ITPR2: variants seen among roughly 807,000 people sequenced by gnomAD.
The protein encoded by ITPR2 is inositol 1,4,5-trisphosphate receptor type 2.
A neutral mutation model predicts 317.1 loss-of-function variants in ITPR2; 207 were observed. That is an observed-to-expected ratio of 0.65 (90% confidence interval 0.58 to 0.73). ITPR2 has a LOEUF of 0.73. Among genes scored for constraint, ITPR2 ranks in the 30% least tolerant of loss-of-function variants. The pLI is 0.00. For missense variants in ITPR2, 2,613 were observed against 3,284.0 expected, an observed-to-expected ratio of 0.80 and a Z score of 4.99; for synonymous variants, 1,156 against 1,149.1, an observed-to-expected ratio of 1.01 and a Z score of -0.12.
In ITPR2 at chr12:26,336,863, A is replaced by C. The variant is rs1937930484; in HGVS notation, c.*2534T>G. The C allele has an allele frequency of 6.6e-6, 1 of 152,140 alleles. No homozygotes were observed. Among genetic ancestry groups the C allele is most frequent in the African/African-American group, 2.4e-5 (1 of 41,434 alleles). The allele number at this position is 152,140 out of a possible 1,614,324, so 9.4% of individuals were successfully genotyped here. On this transcript the variant is annotated 3_prime_UTR_variant, in exon 57 of 57. Coordinates refer to ENST00000381340, the MANE Select transcript of ITPR2 (RefSeq NM_002223.4). ...TCCAGTTGCATTAACAAACATACAC[A>C]TAACAAATATAAATTTATATCAAAT...
At chr12:26,456,596 T>A (rs1015222706) in intron 45 of ITPR2, among the ~76,000 whole-genome samples, 1 of 152,238 alleles carries the variant, frequency 6.6e-6, no homozygotes, top group Non-Finnish European at 1.5e-5. Context: ...CTTTACTCTA[T>A]GGACTTGCCC....
At chr12:26,718,541 T>G (rs1346394122) in intron 5 of ITPR2, among the ~76,000 whole-genome samples, 2 of 149,036 alleles carry the variant, frequency 1.3e-5, no homozygotes, top group African/African-American at 4.9e-5. Context: ...ATATATAGAC[T>G]TAAATATATA....
At chr12:26,522,842 G>C (rs565561694) in intron 37 of ITPR2, among the ~76,000 whole-genome samples, 4 of 146,274 alleles carry the variant, frequency 2.7e-5, no homozygotes, top group Admixed American at 6.7e-5. Flanking sequence ...CTTCCACGGC[G>C]GGGGGGGAAC....
At chr12:26,801,888 T>C (rs1265211712) in intron 1 of ITPR2, among the ~76,000 whole-genome samples, 1 of 140,326 alleles carries the variant, frequency 7.1e-6, no homozygotes, top group South Asian at 2.3e-4. Flanking sequence ...TACTTCATGT[T>C]AAAAAAAAAA....
In ITPR2 at chr12:26,518,536, G is replaced by A. The variant is rs370374950; in HGVS notation, c.5074-23276C>T. Among the ~76,000 whole-genome samples the A allele has an allele frequency of 2.0e-5, 3 of 152,154 alleles. No individual in the cohort carries two copies. In the South Asian group the frequency reaches 6.2e-4, roughly 32 times the overall value. ...CTAAAATAAATGTTGTCGGGGAAGG[G>A]GGGGCGGGAATAAATACAAATAAAA... On this transcript the variant is annotated intron_variant, in intron 37 of 56. Transcript: ENST00000381340.
chr12:26,345,294 C>T (rs1327781221), intron 55 of ITPR2, among the ~76,000 whole-genome samples: 1 of 151,974 alleles, frequency 6.6e-6, no homozygotes, highest in African/African-American at 2.4e-5. Flanking sequence ...ACAGTAGTCC[C>T]CCTTATTTGA....
intron 37 of ITPR2, among the ~76,000 whole-genome samples, chr12:26,544,910 A>G (rs1032653695): frequency 1.3e-5 from 2 of 151,794 alleles, no homozygotes; most frequent in Admixed American, 1.3e-4. Context: ...CACATTTGCA[A>G]TGTGGAGGTA....
intron 37 of ITPR2, among the ~76,000 whole-genome samples, chr12:26,523,846 C>T (rs1943733334): frequency 6.6e-6 from 1 of 152,214 alleles, no homozygotes. Context: ...CAACACGTGA[C>T]GTGTCTCCAG....
Position 26,597,019 on chromosome 12 carries a change from G to A in ITPR2, c.4118C>T (p.Ala1373Val), listed in dbSNP as rs1382959405. The A allele has an allele frequency of 2.7e-5, 43 of 1,613,910 alleles. No homozygotes were observed. The highest frequency in any genetic ancestry group is 3.5e-5 in the Non-Finnish European group (41 of 1,179,992). ...RDRGDESGPL[A>V]YHITLVELLA... ...CAACTCCACCAGGGTGATGTGGTAGGCTAAGGGGCCACTCTCATCCCCTCG... is the reference window on the plus strand; with the variant it reads ...CAACTCCACCAGGGTGATGTGGTAGACTAAGGGGCCACTCTCATCCCCTCG... Residue 1373 changes from alanine (A) to valine (V), a missense_variant, in exon 31 of 57, where the codon GCC becomes GTC. Around this residue, in one of 9 missense-constraint regions of ITPR2, gnomAD observed 817 missense variants for 897.6 expected, o/e 0.91. Transcript: ENST00000381340.
At chr12:26,556,519 T>A in intron 35 of ITPR2, 144 bp from the exon 36 acceptor site, 1 of 785,560 alleles carries the variant, frequency 1.3e-6, no homozygotes, top group Non-Finnish European at 1.9e-6. Context: ...GCCATAATTA[T>A]AGTCTGGTTT....
At chr12:26,342,518 G>A (rs1337646121) in intron 55 of ITPR2, among the ~76,000 whole-genome samples, 2 of 75,322 alleles carry the variant, frequency 2.7e-5, no homozygotes, top group African/African-American at 5.0e-5. Flanking sequence ...GGGGGGCGGG[G>A]GTCAGATCCC....
At chr12:26,824,645 T>C (rs928460765) in intron 1 of ITPR2, among the ~76,000 whole-genome samples, 1 of 152,288 alleles carries the variant, frequency 6.6e-6, no homozygotes, top group South Asian at 2.1e-4. Context: ...TTTAGTTAAC[T>C]TTCCTGGCTA....
In ITPR2 at chr12:26,656,535, G is replaced by A; in HGVS notation, c.2206C>T (p.Leu736Phe). The A allele has an allele frequency of 3.1e-6, 5 of 1,614,136 alleles. No homozygotes were observed. Among genetic ancestry groups the A allele is most frequent in the Non-Finnish European group, 3.4e-6 (4 of 1,180,012 alleles). The change falls in exon 19 of 57, where the codon CTC (leucine) becomes TTC (phenylalanine). Residue 736 changes from leucine (L) to phenylalanine (F), a missense_variant. Leu to Phe is a conservative substitution (Grantham distance 22, BLOSUM62 0). Transcript: ENST00000381340. Reference sequence around the variant, plus strand: ...CGATCCAAGCACATCCTTGCAAAGAGGTTTAGCTGGTACCTTAAAAATGGT... The same window carrying A: ...CGATCCAAGCACATCCTTGCAAAGAAGTTTAGCTGGTACCTTAAAAATGGT... ...VLTYYRYQLN[L>F]FARMCLDRQY...
intron 1 of ITPR2, among the ~76,000 whole-genome samples, chr12:26,819,432 T>C (rs1950905813): frequency 6.6e-6 from 1 of 152,240 alleles, no homozygotes. Flanking sequence ...TAAATGCTTA[T>C]CATTTTCCAA....
chr12:26,462,508 C>G (rs1450047549), intron 45 of ITPR2, among the ~76,000 whole-genome samples: 1 of 152,000 alleles, frequency 6.6e-6, no homozygotes, highest in Non-Finnish European at 1.5e-5. Context: ...GCCACTGTGC[C>G]TGGCGGGAAA....
At chr12:26,775,040 T>A (rs139878002) in intron 2 of ITPR2, among the ~76,000 whole-genome samples, 20 of 152,278 alleles carry the variant, frequency 1.3e-4, no homozygotes, top group African/African-American at 4.8e-4. Flanking sequence ...TCCTGCCTTT[T>A]CTTCCTTTCA....
At chr12:26,758,763 C>T (rs999979205) in intron 2 of ITPR2, among the ~76,000 whole-genome samples, 10 of 152,136 alleles carry the variant, frequency 6.6e-5, no homozygotes, top group Non-Finnish European at 1.3e-4. Flanking sequence ...CTACATAGAA[C>T]GAGGTATATG....
At chr12:26,666,162 A>ATAGATAGATAGATT (rs34107444) in intron 13 of ITPR2, 111 bp from the exon 14 acceptor site, 49 of 400,340 alleles carry the variant, frequency 1.2e-4, no homozygotes, top group South Asian at 1.9e-4. Context: ...AGATAGATAG[A>ATAGATAGATAGATT]TTTTTTTTTA....
At position 26,439,249 on chromosome 12, in the gene ITPR2, C is replaced by T. The variant is rs369435750; in HGVS notation, c.6521G>A (p.Arg2174Gln). ...ATTGAACACACGGCACTTGGATTCT[C>T]GAGTGAGGTATTCACATATATTGGG... ...PVPNICEYLTRESKCRVFNTT... is the reference protein window; with the variant it reads ...PVPNICEYLTQESKCRVFNTT... Residue 2174 changes from arginine (R) to glutamine (Q), a missense_variant, in exon 47 of 57, where the codon CGA becomes CAA. Coordinates refer to ENST00000381340, the MANE Select transcript of ITPR2 (RefSeq NM_002223.4). The T allele has an allele frequency of 4.2e-5, 68 of 1,612,948 alleles. No individual in the cohort carries two copies. Among genetic ancestry groups the T allele is most frequent in the Non-Finnish European group, 5.0e-5 (59 of 1,179,446 alleles).
Sources: gnomAD v4.1 joint callset for allele counts (sites outside exome capture counted in the v4.1 genomes callset) on GRCh38, gnomAD v4.1.1 for gene constraint, gnomAD v4.1.1 regional missense constraint, MANE v1.5 for transcripts, NCBI Gene and HGNC (gene_info 2026-07-23, HGNC 2026-07-21) for gene names.